Variants in VNN2 observed in about 807,000 individuals in gnomAD.
VNN2 encodes vanin 2.
Under a neutral mutation model 43.0 loss-of-function variants are expected in VNN2, and 43 were observed. The observed-to-expected ratio is 1.00, with a 90% CI of 0.78 to 1.29. The LOEUF (loss-of-function observed/expected upper bound fraction) is 1.29, where lower values mean the gene tolerates loss of function less well. VNN2 is among the 50% of genes most tolerant of loss of function. The pLI is 0.00. For synonymous variants in VNN2, 230 were observed against 224.3 expected, an observed-to-expected ratio of 1.03 and a Z score of -0.23; for missense variants, 652 against 619.7, an observed-to-expected ratio of 1.05 and a Z score of -0.55.
rs1269036199 is a variant in VNN2 at position 132,751,512 on chromosome 6, C to T, written c.833G>A (p.Gly278Asp). 1.3e-6 allele frequency: 2 copies of T among 1,599,770 alleles called. No homozygotes were observed. Among genetic ancestry groups the T allele is most frequent in the Admixed American group, 1.7e-5 (1 of 57,714 alleles). Residue 278 changes from glycine (G) to aspartate (D), a missense_variant, in exon 5 of 7, where the codon GGT (glycine) becomes GAT (aspartate). Gly to Asp is a moderately conservative substitution (Grantham distance 94). Coordinates refer to ENST00000326499, the MANE Select transcript of VNN2 (RefSeq NM_004665.6). ...TTTGGGACCATTTGGTGCATAAATACCACTTCCTGTGAATGAAAGACAAGT... is the reference window on the plus strand; with the variant it reads ...TTTGGGACCATTTGGTGCATAAATATCACTTCCTGTGAATGAAAGACAAGT... ...HHVSLNMTGS[G>D]IYAPNGPKVY... is the part of the protein sequence containing the mutation.
At chr6:132,759,092 A>C (rs945994662), upstream of VNN2, among the ~76,000 whole-genome samples, 13 of 152,188 alleles carry the variant, frequency 8.5e-5, no homozygotes, top group Non-Finnish European at 1.9e-4. Context: ...AATAAGGAGA[A>C]GATGTAACTT....
chr6:132,756,392 C>T (rs1780479797), intron 2 of VNN2, among the ~76,000 whole-genome samples: 1 of 152,182 alleles, frequency 6.6e-6, no homozygotes, highest in South Asian at 2.1e-4. Flanking sequence ...CTTTAATCCT[C>T]ATCTCTCTCT....
At chr6:132,759,403 C>T (rs367850462), upstream of VNN2, among the ~76,000 whole-genome samples, 12 of 138,442 alleles carry the variant, frequency 8.7e-5, no homozygotes, top group South Asian at 1.4e-3. Context: ...CACACCATTG[C>T]GCTCCAGGCT....
At position 132,744,208 on chromosome 6, in the gene VNN2, A is replaced by G. The variant is rs1582809307; in HGVS notation, c.*92T>C. On this transcript the variant is annotated 3_prime_UTR_variant, in exon 7 of 7. Coordinates refer to ENST00000326499, the MANE Select transcript of VNN2 (RefSeq NM_004665.6). ...GGACTCACTGGTCTATACTACTGAA[A>G]TAGCCCTTCAAAGTTTCTTAGTAAA... is the stretch of plus-strand genomic sequence containing the variant. 1 of 1,178,492 alleles carries G rather than the reference A, an allele frequency of 8.5e-7. No homozygotes were observed. The highest frequency in any genetic ancestry group is 2.5e-5 in the East Asian group (1 of 40,698). 73.0% of individuals were successfully genotyped at this position (1,178,492 alleles called of 1,614,324 possible).
chr6:132,749,880 C>A lies in VNN2; in HGVS notation c.1201-15G>T, dbSNP rs775868526. 4 of 1,604,028 alleles carry A rather than the reference C, an allele frequency of 2.5e-6. No individual in the cohort carries two copies. The highest frequency in any genetic ancestry group is 2.2e-5 in the South Asian group (2 of 89,300). On this transcript the variant is annotated splice_polypyrimidine_tract_variant and intron_variant, in intron 5 of 6. Coordinates refer to ENST00000326499, the MANE Select transcript of VNN2 (RefSeq NM_004665.6). Reference sequence around the variant, plus strand: ...AGTGTGCAGACCTATGTGGAACAAACGCAGATAAAACGCAATGCCTTACAT... The same window carrying A: ...AGTGTGCAGACCTATGTGGAACAAAAGCAGATAAAACGCAATGCCTTACAT...
upstream of VNN2, among the ~76,000 whole-genome samples, chr6:132,759,311 C>T (rs994201571): frequency 2.0e-5 from 3 of 151,674 alleles, no homozygotes; most frequent in Non-Finnish European, 2.9e-5. Context: ...TGGTGGTGGG[C>T]GCCTGTAATC....
intron 5 of VNN2, among the ~76,000 whole-genome samples, chr6:132,750,493 A>ATGTGTGTATGTATATATG (rs1424400900): frequency 8.7e-5 from 9 of 103,784 alleles, no homozygotes; most frequent in Non-Finnish European, 1.4e-4. Flanking sequence ...TATTTTGTAT[A>ATGTGTGTATGTATATATG]TGTGTATATA....
chr6:132,752,681 T>C lies in VNN2; in HGVS notation c.606A>G (p.Ala202=), dbSNP rs1780189942. ...EKPELVTFNT[A]FGRFGIFTCF... is the part of the protein sequence containing the mutation. Reference sequence around the variant, plus strand: ...ACGTGAAAATGCCAAACCTTCCAAATGCGGTGTTGAAAGTCACCAACTCCG... The same window carrying C: ...ACGTGAAAATGCCAAACCTTCCAAACGCGGTGTTGAAAGTCACCAACTCCG... The change falls in exon 4 of 7, where the codon GCA becomes GCG. Residue 202 remains alanine, a synonymous_variant. Coordinates refer to ENST00000326499, the MANE Select transcript of VNN2 (RefSeq NM_004665.6). The C allele has an allele frequency of 1.2e-6, 2 of 1,614,006 alleles. No homozygotes were observed. Among genetic ancestry groups the C allele is most frequent in the African/African-American group, 1.3e-5 (1 of 74,904 alleles).
intron 6 of VNN2, among the ~76,000 whole-genome samples, chr6:132,747,134 C>T (rs754108701): frequency 6.6e-6 from 1 of 152,038 alleles, no homozygotes; most frequent in Non-Finnish European, 1.5e-5. Flanking sequence ...GGTGCTATGC[C>T]CCCTTCCCTC....
upstream of VNN2, among the ~76,000 whole-genome samples, chr6:132,761,935 C>G (rs1417328449): frequency 3.9e-5 from 6 of 152,150 alleles, no homozygotes; most frequent in Admixed American, 3.9e-4. Context: ...CTCTGTAAGA[C>G]TACAACGCAG....
At chr6:132,749,075 T>C (rs930263874) in intron 6 of VNN2, among the ~76,000 whole-genome samples, 3 of 152,240 alleles carry the variant, frequency 2.0e-5, no homozygotes, top group East Asian at 1.9e-4. Flanking sequence ...GTTCTTCCAA[T>C]GAAGTATCAT....
intron 3 of VNN2, among the ~76,000 whole-genome samples, chr6:132,754,737 G>A (rs1269836989): frequency 6.6e-6 from 1 of 152,072 alleles, no homozygotes; most frequent in African/African-American, 2.4e-5. Flanking sequence ...AACATTTTAT[G>A]GTTTGATCTT....
chr6:132,745,080 G>A (rs918505419), intron 6 of VNN2, among the ~76,000 whole-genome samples: 8 of 152,214 alleles, frequency 5.3e-5, no homozygotes, highest in Admixed American at 1.3e-4. Context: ...GTGTGTGACA[G>A]ATCAAGGCAA....
chr6:132,744,213 C>T lies in VNN2; in HGVS notation c.*87G>A. ...CACTGGTCTATACTACTGAAATAGC[C>T]CTTCAAAGTTTCTTAGTAAACTTGG... is the stretch of plus-strand genomic sequence containing the variant. On this transcript the variant is annotated 3_prime_UTR_variant, in exon 7 of 7. Coordinates refer to ENST00000326499, the MANE Select transcript of VNN2 (RefSeq NM_004665.6). 1 of 1,230,620 alleles carries T rather than the reference C, an allele frequency of 8.1e-7. No homozygotes were observed. The highest frequency in any genetic ancestry group is 1.5e-5 in the South Asian group (1 of 68,694). 76.2% of individuals were successfully genotyped at this position (1,230,620 alleles called of 1,614,324 possible). A position where few individuals can be genotyped will look rare whatever the true frequency, so the allele number is the denominator to read the frequency against.
In VNN2 at chr6:132,751,265, G is replaced by T; in HGVS notation, c.1080C>A (p.Val360=). 1 of 1,614,154 alleles carries T rather than the reference G, an allele frequency of 6.2e-7. No homozygotes were observed. The highest frequency in any genetic ancestry group is 1.1e-5 in the South Asian group (1 of 91,086). The change falls in exon 5 of 7, where the codon GTC becomes GTA. Residue 360 remains valine (V), a synonymous_variant. Transcript: ENST00000326499. The part of the protein sequence containing the change: ...ELFENAGNLT[V]CQKELCCHLS... ...AATGACAGCAAAGCTCCTTTTGACAGACTGTAAGGTTTCCTGCATTTTCAA... is the reference window on the plus strand; with the variant it reads ...AATGACAGCAAAGCTCCTTTTGACATACTGTAAGGTTTCCTGCATTTTCAA...
intron 6 of VNN2, among the ~76,000 whole-genome samples, chr6:132,745,689 T>A (rs1444266242): frequency 6.6e-6 from 1 of 152,186 alleles, no homozygotes; most frequent in African/African-American, 2.4e-5. Flanking sequence ...AGAAGGAATA[T>A]GATCAGAGGA....
rs1190057828 is a variant in VNN2, at chr6:132,749,774, A to T, written c.1292T>A (p.Leu431His). 2 of 1,614,016 alleles carry T rather than the reference A, an allele frequency of 1.2e-6. No homozygotes were observed. The highest frequency in any genetic ancestry group is 1.7e-6 in the Non-Finnish European group (2 of 1,180,000). Residue 431 changes from leucine (L) to histidine (H), a missense_variant, in exon 6 of 7, where the codon CTC becomes CAC. Transcript: ENST00000326499. ...TASTRFEMFS[L>H]SGTFGTEYVF... ...ATACTCTGTTCCAAATGTGCCACTG[A>T]GGGAGAACATTTCAAATCTTGTAGA...
chr6:132,753,426 C>G (rs961374076), intron 3 of VNN2: 13 of 438,428 alleles, frequency 3.0e-5, no homozygotes, highest in African/African-American at 2.7e-4. Context: ...ACCTGTAAGT[C>G]AGGTGAGAGA....
intron 5 of VNN2, 47 bp downstream of exon 5, chr6:132,751,098 G>C (rs1205928233): frequency 6.5e-7 from 1 of 1,530,122 alleles, no homozygotes; most frequent in Non-Finnish European, 8.7e-7. Context: ...AAGTTAACCT[G>C]GAATTTACCT....
Sources: gnomAD v4.1 joint callset for allele counts (sites outside exome capture counted in the v4.1 genomes callset) on GRCh38, gnomAD v4.1.1 for gene constraint, MANE v1.5 for transcripts, NCBI Gene and HGNC (gene_info 2026-07-23, HGNC 2026-07-21) for gene names.